The following PSMD1 variants were observed in gnomAD, a reference collection of about 807,000 sequenced individuals.
The protein encoded by PSMD1 is proteasome 26S subunit, non-ATPase 1, also known as 26S proteasome non-ATPase regulatory subunit 1.
A neutral mutation model predicts 119.0 loss-of-function variants in PSMD1; 18 were observed. The observed-to-expected ratio is 0.15, with a 90% CI of 0.10 to 0.22. PSMD1 has a LOEUF of 0.22. Ranked by LOEUF, PSMD1 falls within the 10% of genes least tolerant of loss-of-function variation. PSMD1 has a pLI of 1.00. For missense variants in PSMD1, 702 were observed against 1,158.5 expected, an observed-to-expected ratio of 0.61 and a Z score of 5.72; for synonymous variants, 374 against 396.6, an observed-to-expected ratio of 0.94 and a Z score of 0.68.
chr2:231,088,235 G>C (rs1326213683), intron 16 of PSMD1, among the ~76,000 whole-genome samples: 2 of 152,132 alleles, frequency 1.3e-5, no homozygotes, highest in Non-Finnish European at 2.9e-5. Context: ...TGTAGTTGTG[G>C]AGTTGGTGGT....
At chr2:231,157,077 C>T (rs1696522818) in intron 19 of PSMD1, among the ~76,000 whole-genome samples, 1 of 151,826 alleles carries the variant, frequency 6.6e-6, no homozygotes, top group South Asian at 2.1e-4. Flanking sequence ...GCTCTGTAAT[C>T]TTTTTTTTCT....
chr2:231,080,012 A>T, intron 11 of PSMD1, 129 bp from the exon 12 acceptor site: 1 of 742,624 alleles, frequency 1.3e-6, no homozygotes, highest in Non-Finnish European at 2.1e-6. Context: ...TATATGAGAG[A>T]GAGCCCCACT....
At chr2:231,089,439 CTT>C (rs1365728794) in intron 16 of PSMD1, among the ~76,000 whole-genome samples, 1 of 152,150 alleles carries the variant, frequency 6.6e-6, no homozygotes, top group Admixed American at 6.5e-5. Flanking sequence ...CAGTGGGTGA[CTT>C]TAAGTTGAAG....
intron 1 of PSMD1, among the ~76,000 whole-genome samples, chr2:231,060,175 C>T (rs1693721536): frequency 1.3e-5 from 2 of 152,118 alleles, no homozygotes; most frequent in African/African-American, 2.4e-5. Flanking sequence ...TTATCTGTTC[C>T]CTGTGCTGTC....
chr2:231,107,929 G>A (rs570633320), intron 16 of PSMD1, among the ~76,000 whole-genome samples: 4 of 152,306 alleles, frequency 2.6e-5, no homozygotes, highest in South Asian at 4.1e-4. Flanking sequence ...CCAAGTTCTT[G>A]TTATTTTGTG....
chr2:231,071,864 A>G (rs1694048304), intron 6 of PSMD1, among the ~76,000 whole-genome samples: 1 of 152,230 alleles, frequency 6.6e-6, no homozygotes, highest in African/African-American at 2.4e-5. Flanking sequence ...TAACAAATTA[A>G]GGAGCACTTA....
intron 23 of PSMD1, among the ~76,000 whole-genome samples, chr2:231,166,503 G>A (rs77542239): frequency 0.097 from 12,483 of 129,258 alleles, 649 homozygotes; most frequent in East Asian, 0.22. Flanking sequence ...TAATTACACC[G>A]TTGTCTTTTT....
rs752201644 is a variant in PSMD1, at chr2:231,067,048, G to A, written c.447G>A (p.Gln149=). The change falls in exon 5 of 25, where the codon CAG becomes CAA. Residue 149 remains glutamine (Q), a synonymous_variant. Transcript: ENST00000308696. ...QRCLDDHKYK[Q]AIGIALETRR... is the part of the protein sequence containing the mutation. ...GTCTAGATGATCACAAGTATAAACA[G>A]GCTATTGGCATTGCTCTGGAGACAC... The A allele has an allele frequency of 2.0e-5, 33 of 1,613,878 alleles. No individual in the cohort carries two copies. Among genetic ancestry groups the A allele is most frequent in the Non-Finnish European group, 2.8e-5 (33 of 1,180,002 alleles).
chr2:231,135,228 C>T (rs1459625838), intron 16 of PSMD1, among the ~76,000 whole-genome samples: 1 of 152,136 alleles, frequency 6.6e-6, no homozygotes, highest in African/African-American at 2.4e-5. Context: ...TCAATAGCCT[C>T]TTTGGTGTAA....
intron 7 of PSMD1, among the ~76,000 whole-genome samples, chr2:231,074,038 A>G (rs1210748740): frequency 6.6e-6 from 1 of 151,998 alleles, no homozygotes; most frequent in South Asian, 2.1e-4. Context: ...AGAATTCCCA[A>G]TACTTACAGA....
At chr2:231,112,797 A>G (rs1222781186) in intron 16 of PSMD1, among the ~76,000 whole-genome samples, 1 of 152,070 alleles carries the variant, frequency 6.6e-6, no homozygotes, top group Non-Finnish European at 1.5e-5. Flanking sequence ...TTAGAAGAAA[A>G]AGGATTTCTT....
chr2:231,061,204 G>A, intron 1 of PSMD1, 63 bp from the exon 2 acceptor site: 1 of 1,301,396 alleles, frequency 7.7e-7, no homozygotes, highest in Non-Finnish European at 1.1e-6. Flanking sequence ...TTTTTGACCA[G>A]GTGTTAATTT....
intron 16 of PSMD1, chr2:231,123,558 A>G (rs1312847374): frequency 6.2e-7 from 1 of 1,614,124 alleles, no homozygotes; most frequent in South Asian, 1.1e-5. Context: ...TATTTCCACC[A>G]ATTGTGGGTA....
At chr2:231,091,342 T>G (rs1694586417) in intron 16 of PSMD1, among the ~76,000 whole-genome samples, 2 of 152,236 alleles carry the variant, frequency 1.3e-5, no homozygotes, top group Non-Finnish European at 2.9e-5. Flanking sequence ...TAAGAGAATT[T>G]AACTGCCTTC....
chr2:231,077,229 A>G, intron 9 of PSMD1, 67 bp downstream of exon 9: 1 of 1,116,932 alleles, frequency 9.0e-7, no homozygotes, highest in Non-Finnish European at 1.2e-6. Context: ...ATAAGTAATT[A>G]TATTTATTTC....
At chr2:231,113,881 A>G (rs1240462738) in intron 16 of PSMD1, 3 of 1,614,188 alleles carry the variant, frequency 1.9e-6, no homozygotes, top group African/African-American at 1.3e-5. Context: ...GAGAACGTCA[A>G]GAAATAACCA....
In PSMD1 at chr2:231,170,637, A is replaced by G. The variant is rs751952582; in HGVS notation, c.2787A>G (p.Ala929=). ...TTGAGGAGCTGGTGGAACCTGTGGC[A>G]GCACATGGCCCAAAAATCGAGGAGG... is the stretch of plus-strand genomic sequence containing the variant. ...EDIEELVEPV[A]AHGPKIEEEE... Residue 929 remains alanine, a synonymous_variant, in exon 24 of 25, where the codon GCA becomes GCG. Coordinates refer to ENST00000308696, the MANE Select transcript of PSMD1 (RefSeq NM_002807.4). This position sits in a 1 kb window ranked among gnomAD's most constrained non-coding sequence, Gnocchi z 4.1. The G allele has an allele frequency of 9.4e-5, 151 of 1,614,190 alleles. 2 individuals carry two copies. In the South Asian group the frequency reaches 1.5e-3, roughly 16 times the overall value.
chr2:231,092,609 TG>T (rs1694622708), intron 16 of PSMD1, among the ~76,000 whole-genome samples: 1 of 152,160 alleles, frequency 6.6e-6, no homozygotes, highest in Non-Finnish European at 1.5e-5. Context: ...GAGACGTGGC[TG>T]CAAAACTGTG....
At chr2:231,092,518 A>G (rs1317666888) in intron 16 of PSMD1, among the ~76,000 whole-genome samples, 1 of 152,208 alleles carries the variant, frequency 6.6e-6, no homozygotes, top group Non-Finnish European at 1.5e-5. Context: ...CCCAGGCACC[A>G]TAAAGTGTCT....
Sources: gnomAD v4.1 joint callset for allele counts (sites outside exome capture counted in the v4.1 genomes callset) on GRCh38, gnomAD v4.1.1 for gene constraint, Gnocchi (gnomAD v3.1) non-coding constraint, MANE v1.5 for transcripts, NCBI Gene and HGNC (gene_info 2026-07-23, HGNC 2026-07-21) for gene names.